The following ARHGEF12 variants were observed in gnomAD, a reference collection of about 807,000 sequenced individuals.
ARHGEF12 encodes the protein Rho guanine nucleotide exchange factor 12, also known as KMT2A/ARHGEF12 fusion protein.
ARHGEF12 carries 66 observed loss-of-function variants against 211.2 expected under a neutral mutation model. The observed-to-expected ratio is 0.31, with a 90% confidence interval of 0.26 to 0.38. The LOEUF (loss-of-function observed/expected upper bound fraction) is 0.38. ARHGEF12 is among the 10% of genes least tolerant of loss of function. The pLI, the probability that ARHGEF12 is intolerant of heterozygous loss-of-function variation, is 1.00. For missense variants in ARHGEF12, 1,429 were observed against 1,869.5 expected (o/e 0.76, Z 4.34); for synonymous variants, 592 against 638.4 (o/e 0.93, Z 1.09).
chr11:120,472,066 T>A (rs1216808883), intron 30 of ARHGEF12, among the ~76,000 whole-genome samples: 1 of 152,102 alleles, frequency 6.6e-6, no homozygotes, highest in African/African-American at 2.4e-5. Context: ...TATAAAAAAA[T>A]GAAATAACTC....
intron 11 of ARHGEF12, among the ~76,000 whole-genome samples, chr11:120,434,823 A>G (rs1945646793): frequency 6.6e-6 from 1 of 152,054 alleles, no homozygotes; most frequent in Admixed American, 6.5e-5. Flanking sequence ...TTTATTTTGG[A>G]AAATTGTTAA....
chr11:120,447,908 T>C lies in ARHGEF12; in HGVS notation c.1622+2T>C. On this transcript the variant is annotated splice_donor_variant, in intron 19 of 40. Coordinates refer to ENST00000397843, the MANE Select transcript of ARHGEF12 (RefSeq NM_015313.3). LOFTEE classifies it high-confidence loss of function. ...TCAGGCTGTAGAGGAAGATAAGAGG[T>C]AACATAACTGTTTTTTTTCCCCTAG... is the stretch of plus-strand genomic sequence containing the variant. 1 of 1,564,762 alleles carries C rather than the reference T, an allele frequency of 6.4e-7. No individual in the cohort carries two copies. Among genetic ancestry groups the C allele is most frequent in the Non-Finnish European group, 8.6e-7 (1 of 1,161,882 alleles).
intron 1 of ARHGEF12, among the ~76,000 whole-genome samples, chr11:120,354,842 C>G (rs144068904): frequency 6.6e-6 from 1 of 152,168 alleles, no homozygotes; most frequent in Admixed American, 6.5e-5. Flanking sequence ...CAGTGCTCTT[C>G]GAAGGAGTCG....
chr11:120,358,579 C>T (rs1943194238), intron 1 of ARHGEF12, among the ~76,000 whole-genome samples: 1 of 152,064 alleles, frequency 6.6e-6, no homozygotes, highest in African/African-American at 2.4e-5. Flanking sequence ...CTTGCACTAT[C>T]CACTATGGTA....
chr11:120,365,310 A>T (rs1405835138), intron 1 of ARHGEF12, among the ~76,000 whole-genome samples: 1 of 152,060 alleles, frequency 6.6e-6, no homozygotes, highest in African/African-American at 2.4e-5. Context: ...AAGCTGATAG[A>T]TGATTGGAAG....
rs556553991 is a variant in ARHGEF12 at position 120,406,604 on chromosome 11, C to G, written c.56+463C>G. On this transcript the variant is annotated intron_variant, in intron 2 of 40. Transcript: ENST00000397843. ...GATGGGATCTCACTCTGTTGCCCAG[C>G]CTGGAGTGCAGTGGCGCGATCTCAG... Among the ~76,000 whole-genome samples, 9 of 152,090 alleles carry G rather than the reference C, an allele frequency of 5.9e-5. No individual in the cohort carries two copies. In the South Asian group the frequency reaches 1.9e-3, roughly 32 times the overall value.
chr11:120,442,286 T>G, intron 15 of ARHGEF12, 84 bp downstream of exon 15: 1 of 1,066,144 alleles, frequency 9.4e-7, no homozygotes, highest in Non-Finnish European at 1.3e-6. Flanking sequence ...CTCCCATGTT[T>G]TTGGATTTTA....
In ARHGEF12 at chr11:120,480,380, G is replaced by T; in HGVS notation, c.4187G>T (p.Gly1396Val). The T allele has an allele frequency of 1.9e-6, 3 of 1,613,826 alleles. No individual in the cohort carries two copies. Among genetic ancestry groups the T allele is most frequent in the Non-Finnish European group, 2.5e-6 (3 of 1,179,798 alleles). ...EAHSDENPSE[G>V]DGAVNKEEKD... ...CATAGTGATGAGAATCCATCAGAAGGTGATGGAGCAGTTAACAAGGAAGAG... is the reference window on the plus strand; with the variant it reads ...CATAGTGATGAGAATCCATCAGAAGTTGATGGAGCAGTTAACAAGGAAGAG... The change falls in exon 38 of 41, where the codon GGT (glycine) becomes GTT (valine). Residue 1396 changes from glycine (G) to valine (V), a missense_variant. Coordinates refer to ENST00000397843, the MANE Select transcript of ARHGEF12 (RefSeq NM_015313.3).
chr11:120,383,118 G>A (rs555431707), intron 1 of ARHGEF12, among the ~76,000 whole-genome samples: 3 of 152,074 alleles, frequency 2.0e-5, no homozygotes, highest in Non-Finnish European at 2.9e-5. Flanking sequence ...CAGCCTGGGC[G>A]ACAGAGCCAG....
At position 120,434,010 on chromosome 11, in the gene ARHGEF12, C is replaced by T. The variant is rs185370468; in HGVS notation, c.924+2099C>T. On this transcript the variant is annotated intron_variant, in intron 11 of 40. Transcript: ENST00000397843. ...TTGTTTAGTATAGAAATAGGCATTC[C>T]AATCAATTAAGACTGTTTGACATGT... 5.9e-4 allele frequency among the ~76,000 whole-genome samples: 90 copies of T among 152,152 alleles called. 1 individual carries two copies. Among genetic ancestry groups the T allele is most frequent in the African/African-American group, 2.1e-3 (88 of 41,490 alleles).
At chr11:120,476,879 T>G in intron 34 of ARHGEF12, 131 bp downstream of exon 34, 1 of 674,766 alleles carries the variant, frequency 1.5e-6, no homozygotes, top group Non-Finnish European at 2.4e-6. Flanking sequence ...TTTAGAGACG[T>G]TCTACTATGA....
intron 10 of ARHGEF12, among the ~76,000 whole-genome samples, chr11:120,430,715 G>C (rs2135724564): frequency 6.6e-6 from 1 of 152,278 alleles, no homozygotes; most frequent in African/African-American, 2.4e-5. Flanking sequence ...AATTCTTTGA[G>C]ATCATCTAGC....
chr11:120,442,804 C>T (rs1381891697), intron 15 of ARHGEF12, among the ~76,000 whole-genome samples: 2 of 152,086 alleles, frequency 1.3e-5, no homozygotes, highest in African/African-American at 4.8e-5. Context: ...AGTCCTTTCA[C>T]ATTTGCAGTT....
At chr11:120,474,373 T>G (rs551234020) in intron 31 of ARHGEF12, among the ~76,000 whole-genome samples, 187 bp from the exon 32 acceptor site, 2 of 152,366 alleles carry the variant, frequency 1.3e-5, no homozygotes, top group East Asian at 3.8e-4. Flanking sequence ...TTTAGAAAAT[T>G]GTATGCAGAT....
intron 1 of ARHGEF12, among the ~76,000 whole-genome samples, chr11:120,342,360 C>T (rs189423341): frequency 2.6e-5 from 4 of 152,260 alleles, no homozygotes; most frequent in Non-Finnish European, 5.9e-5. Context: ...CTGATCTTTA[C>T]GTCTAACTTT....
chr11:120,338,951 C>T (rs1161328910), intron 1 of ARHGEF12, among the ~76,000 whole-genome samples: 3 of 150,662 alleles, frequency 2.0e-5, no homozygotes, highest in African/African-American at 7.3e-5. Flanking sequence ...ACGTAGATGG[C>T]ATATAAACAT....
intron 1 of ARHGEF12, among the ~76,000 whole-genome samples, chr11:120,400,944 T>A (rs1944533903): frequency 6.6e-6 from 1 of 152,202 alleles, no homozygotes. Context: ...CCTGCCTGTC[T>A]GTGGTTTGTG....
At chr11:120,460,853 C>G (rs1271725112) in intron 27 of ARHGEF12, 96 bp downstream of exon 27, 4 of 1,061,142 alleles carry the variant, frequency 3.8e-6, no homozygotes, top group Non-Finnish European at 4.3e-6. Context: ...GCAAACTCAT[C>G]CATGTTGCAA....
chr11:120,337,800 A>G (rs1942401284), intron 1 of ARHGEF12: 1 of 985,328 alleles, frequency 1.0e-6, no homozygotes, highest in Admixed American at 6.1e-5. Flanking sequence ...ATAACTTTCC[A>G]GAATGTTGAC....
Sources: gnomAD v4.1 joint callset for allele counts (sites outside exome capture counted in the v4.1 genomes callset) on GRCh38, gnomAD v4.1.1 for gene constraint, MANE v1.5 for transcripts, NCBI Gene and HGNC (gene_info 2026-07-23, HGNC 2026-07-21) for gene names.